CEACAM21: variants seen among roughly 807,000 people sequenced by gnomAD.
CEACAM21 encodes cell adhesion molecule CEACAM21.
In CEACAM21, 38 loss-of-function variants were observed where a neutral mutation model predicts 33.2. The observed-to-expected ratio is 1.14, with a 90% CI of 0.88 to 1.50. CEACAM21 has a LOEUF of 1.50. CEACAM21 is among the 40% of genes most tolerant of loss of function. CEACAM21 has a pLI of 0.00. For synonymous variants in CEACAM21, 156 were observed against 143.0 expected, an observed-to-expected ratio of 1.09 and a Z score of -0.65; for missense variants, 385 against 364.6, an observed-to-expected ratio of 1.06 and a Z score of -0.46.
At chr19:41,578,859 C>T (rs1410309053) in intron 2 of CEACAM21, among the ~76,000 whole-genome samples, 1 of 152,184 alleles carries the variant, frequency 6.6e-6, no homozygotes, top group Non-Finnish European at 1.5e-5. Flanking sequence ...ACACCCTGTA[C>T]CTGCACAAGG....
At chr19:41,559,855 T>A (rs1184244849) in intron 1 of CEACAM21, among the ~76,000 whole-genome samples, 1 of 152,190 alleles carries the variant, frequency 6.6e-6, no homozygotes, top group African/African-American at 2.4e-5. Context: ...ATGCTTGTAG[T>A]CCTAGCTACT....
At chr19:41,584,254 C>T in intron 3 of CEACAM21, 93 bp from the exon 4 acceptor site, 1 of 1,075,868 alleles carries the variant, frequency 9.3e-7, no homozygotes, top group Non-Finnish European at 1.4e-6. Context: ...ATGGCATTTC[C>T]TTCCTCCCTG....
intron 6 of CEACAM21, 79 bp downstream of exon 6, chr19:41,585,950 C>T: frequency 7.1e-7 from 1 of 1,414,186 alleles, no homozygotes. Flanking sequence ...TGTCAATCCC[C>T]AGCACAAACC....
rs201162244 is a variant in CEACAM21 at position 41,551,160 on chromosome 19, CTTTTTTT to C, written c.-779+1619_-779+1625del. The C allele has an allele frequency of 4.6e-5, 6 of 129,352 alleles. No homozygotes were observed. In the South Asian group the frequency reaches 1.5e-3, roughly 32 times the overall value. 8.0% of individuals were successfully genotyped at this position (129,352 alleles called of 1,614,324 possible). Reference sequence around the variant, plus strand: ...TGATTTTTTTTTTCTTTTCCTTTTCCTTTTTTTTTTTTTTTTTAGATGTAGTTTCACT... The same window carrying C: ...TGATTTTTTTTTTCTTTTCCTTTTCCTTTTTTTTTTAGATGTAGTTTCACT... On this transcript the variant is annotated intron_variant, in intron 1 of 7. Coordinates refer to the CEACAM21 transcript ENST00000407170.
chr19:41,577,666 A>G, intron 2 of CEACAM21, 107 bp downstream of exon 2: 4 of 1,527,684 alleles, frequency 2.6e-6, no homozygotes, highest in Non-Finnish European at 3.5e-6. Context: ...ATTACGTCCC[A>G]TGTTGGGGTT....
At chr19:41,585,709 T>C (rs2070686012) in intron 5 of CEACAM21, 131 bp from the exon 6 acceptor site, 2 of 1,100,364 alleles carry the variant, frequency 1.8e-6, no homozygotes, top group Non-Finnish European at 2.7e-6. Context: ...ACTTGCTTAC[T>C]TGACCCCTAA....
intron 3 of CEACAM21, among the ~76,000 whole-genome samples, chr19:41,582,100 T>C (rs1784141227): frequency 6.6e-6 from 1 of 152,184 alleles, no homozygotes; most frequent in African/African-American, 2.4e-5. Context: ...ATACAACCAT[T>C]CCAAATGGGA....
rs78327777 is a variant in CEACAM21 at position 41,579,421 on chromosome 19, A to T, written c.493A>T (p.Thr165Ser). 1.2e-6 allele frequency: 2 copies of T among 1,613,202 alleles called. No individual in the cohort carries two copies. The highest frequency in any genetic ancestry group is 3.3e-5 in the Admixed American group (2 of 59,994). ...TVTEKGSVVL[T>S]CHTNNTGTSF... Reference sequence around the variant, plus strand: ...CACAGAGAAGGGCTCCGTGGTCCTGACCTGCCACACAAATAACACTGGAAC... The same window carrying T: ...CACAGAGAAGGGCTCCGTGGTCCTGTCCTGCCACACAAATAACACTGGAAC... Residue 165 changes from threonine to serine, a missense_variant, in exon 3 of 7, where the codon ACC (threonine) becomes TCC (serine). Coordinates refer to ENST00000401445, the MANE Select transcript of CEACAM21 (RefSeq NM_001098506.4).
chr19:41,553,953 G>T (rs982099299), intron 1 of CEACAM21, among the ~76,000 whole-genome samples: 3 of 151,714 alleles, frequency 2.0e-5, no homozygotes, highest in African/African-American at 7.3e-5. Context: ...AAATTCTGGG[G>T]AAATCGGGTA....
At chr19:41,571,951 C>CT (rs112565158), upstream of CEACAM21, among the ~76,000 whole-genome samples, 5,365 of 143,962 alleles carry the variant, frequency 0.037, 266 homozygotes, top group African/African-American at 0.12. Flanking sequence ...CATTTTGACA[C>CT]TTTTTTTTTT....
At chr19:41,560,526 C>A (rs1399352752) in intron 1 of CEACAM21, among the ~76,000 whole-genome samples, 2 of 151,960 alleles carry the variant, frequency 1.3e-5, no homozygotes, top group African/African-American at 4.8e-5. Flanking sequence ...GACCCCCAAA[C>A]CAGAAAAAAA....
At chr19:41,564,908 C>G (rs1002010373) in exon 2 of CEACAM21, 1 of 152,312 alleles carries the variant, frequency 6.6e-6, no homozygotes, top group African/African-American at 2.4e-5. Flanking sequence ...CGGAGGTCCT[C>G]ACGGCGCTCC....
intron 2 of CEACAM21, among the ~76,000 whole-genome samples, chr19:41,578,814 G>A (rs1301178106): frequency 6.6e-5 from 10 of 152,326 alleles, no homozygotes; most frequent in African/African-American, 1.9e-4. Context: ...TCCCATGGGA[G>A]GATGAAGGAA....
intron 3 of CEACAM21, among the ~76,000 whole-genome samples, chr19:41,579,836 C>T (rs2043242108): frequency 6.6e-6 from 1 of 152,192 alleles, no homozygotes; most frequent in African/African-American, 2.4e-5. Flanking sequence ...AGACACTCAA[C>T]CTCCTGGGCC....
chr19:41,559,747 C>A (rs2041759923), intron 1 of CEACAM21, among the ~76,000 whole-genome samples: 1 of 152,094 alleles, frequency 6.6e-6, no homozygotes, highest in African/African-American at 2.4e-5. Context: ...ACCCTTATGC[C>A]AAATGCATTA....
chr19:41,563,674 G>A (rs1555787472), intron 1 of CEACAM21, among the ~76,000 whole-genome samples: 2 of 152,268 alleles, frequency 1.3e-5, no homozygotes, highest in African/African-American at 4.8e-5. Flanking sequence ...CTGCTGCAGA[G>A]AAAACTCGGA....
rs1273515276 is a variant in CEACAM21, at chr19:41,579,706, G to A, written c.700+78G>A. ...GGAGGGGGGGTGTAAAATGATACAC[G>A]GAATGAGAAGGATGAGATTCCTTCA... On this transcript the variant is annotated intron_variant, in intron 3 of 6. Transcript: ENST00000401445. 2.1e-5 allele frequency: 21 copies of A among 1,001,456 alleles called. 1 individual carries two copies. Among genetic ancestry groups the A allele is most frequent in the Admixed American group, 1.1e-4 (4 of 36,084 alleles). 62.0% of individuals were successfully genotyped at this position (1,001,456 alleles called of 1,614,324 possible). A position where few individuals can be genotyped will look rare whatever the true frequency, so the allele number is the denominator to read the frequency against.
At chr19:41,560,444 A>T (rs1362447392) in intron 1 of CEACAM21, among the ~76,000 whole-genome samples, 3 of 151,514 alleles carry the variant, frequency 2.0e-5, no homozygotes, top group Non-Finnish European at 2.9e-5. Context: ...CTGGTCTTGA[A>T]CTCCAAACCT....
chr19:41,556,305 C>T (rs1388085764), intron 1 of CEACAM21, among the ~76,000 whole-genome samples: 2 of 152,218 alleles, frequency 1.3e-5, no homozygotes, highest in Non-Finnish European at 2.9e-5. Flanking sequence ...AAAATTTCAA[C>T]TCTTATTATA....
Sources: allele counts gnomAD v4.1 joint callset (sites outside exome capture counted in the v4.1 genomes callset), GRCh38; gene constraint gnomAD v4.1.1; transcripts MANE v1.5; gene names NCBI Gene and HGNC (gene_info 2026-07-23, HGNC 2026-07-21).